Variants in ARHGAP32 observed in about 807,000 individuals in gnomAD.
ARHGAP32 encodes the protein rho GTPase-activating protein 32.
A neutral mutation model predicts 186.5 loss-of-function variants in ARHGAP32; 51 were observed. That is an observed-to-expected ratio of 0.27 (90% CI 0.22 to 0.35). The LOEUF is 0.35. Among genes scored for constraint, ARHGAP32 ranks in the 10% least tolerant of loss-of-function variants. The pLI, the probability that ARHGAP32 is intolerant of heterozygous loss-of-function variation, is 1.00. For missense variants in ARHGAP32, 2,186 were observed against 2,623.5 expected, an observed-to-expected ratio of 0.83 and a Z score of 3.64; for synonymous variants, 950 against 964.3, an observed-to-expected ratio of 0.99 and a Z score of 0.27.
At chr11:129,168,398 T>G (rs2135497089) in intron 1 of ARHGAP32, among the ~76,000 whole-genome samples, 1 of 152,286 alleles carries the variant, frequency 6.6e-6, no homozygotes, top group Middle Eastern at 3.4e-3. Context: ...AAGTAGACCT[T>G]AAGCACAAGG....
intron 1 of ARHGAP32, among the ~76,000 whole-genome samples, chr11:129,216,714 C>T (rs1334504834): frequency 6.7e-6 from 1 of 148,768 alleles, no homozygotes; most frequent in African/African-American, 2.5e-5. Context: ...CAGATTTTAG[C>T]TGAGTCCCCA....
At chr11:129,148,505 C>A (rs543605057) in intron 2 of ARHGAP32, among the ~76,000 whole-genome samples, 11 of 152,270 alleles carry the variant, frequency 7.2e-5, no homozygotes, top group African/African-American at 2.4e-4. Context: ...CCCAACTATA[C>A]CTCACAGGGG....
At chr11:129,241,778 TAAAAATCCCAATGACATACTAAA>T (rs953834609) in intron 1 of ARHGAP32, among the ~76,000 whole-genome samples, 5 of 152,150 alleles carry the variant, frequency 3.3e-5, no homozygotes, top group African/African-American at 1.2e-4. Context: ...CATTCAGTAA[TAAAAATCCCAATGACATACTAAA>T]TCCAAGATGC....
intron 21 of ARHGAP32, 185 bp downstream of exon 21, chr11:128,973,939 C>A: frequency 4.6e-6 from 3 of 655,500 alleles, no homozygotes; most frequent in Admixed American, 3.1e-5. Context: ...ACCATTGGCC[C>A]TTTTGGGGAG....
chr11:128,991,437 C>T (rs1157994846), intron 12 of ARHGAP32, among the ~76,000 whole-genome samples: 3 of 151,828 alleles, frequency 2.0e-5, no homozygotes, highest in Non-Finnish European at 4.4e-5. Context: ...GGAGCAAAAA[C>T]TGAAAAACAA....
rs568706063 is a variant in ARHGAP32, at chr11:129,085,937, T to C, written c.531+7684A>G. Among the ~76,000 whole-genome samples, 3 of 150,430 alleles carry C rather than the reference T, an allele frequency of 2.0e-5. No individual in the cohort carries two copies. The East Asian group carries it at 5.9e-4, about 29-fold the overall frequency. On this transcript the variant is annotated intron_variant, in intron 6 of 22. Coordinates refer to ENST00000682385, the MANE Select transcript of ARHGAP32 (RefSeq NM_001378024.1). ...TGAACCCGGGAGGCAGAGCTTGCAG[T>C]GAGCTGAGATCATGACACTGCACTC...
At chr11:129,101,311 C>G (rs1180176124) in intron 5 of ARHGAP32, among the ~76,000 whole-genome samples, 1 of 152,210 alleles carries the variant, frequency 6.6e-6, no homozygotes, top group Non-Finnish European at 1.5e-5. Context: ...AGAGTGCCTT[C>G]TATTCTCCAA....
intron 11 of ARHGAP32, among the ~76,000 whole-genome samples, chr11:129,029,603 A>G (rs1811396944): frequency 6.6e-6 from 1 of 151,996 alleles, no homozygotes; most frequent in African/African-American, 2.4e-5. Flanking sequence ...GGAGATCGAG[A>G]CCATCCTGGC....
intron 6 of ARHGAP32, among the ~76,000 whole-genome samples, chr11:129,073,402 CAAAGAATAAAAA>C (rs1397450491): frequency 6.6e-6 from 1 of 151,748 alleles, no homozygotes; most frequent in Non-Finnish European, 1.5e-5. Context: ...GAAATTATAA[CAAAGAATAAAAA>C]AATGCTAGAG....
intron 6 of ARHGAP32, among the ~76,000 whole-genome samples, chr11:129,072,609 A>T (rs1266388171): frequency 6.6e-6 from 1 of 152,172 alleles, no homozygotes; most frequent in Non-Finnish European, 1.5e-5. Flanking sequence ...CCACAGCAGA[A>T]ATCCACACGC....
At chr11:129,177,165 G>A (rs1311001442) in intron 1 of ARHGAP32, among the ~76,000 whole-genome samples, 10 of 151,232 alleles carry the variant, frequency 6.6e-5, no homozygotes, top group East Asian at 1.9e-4. Flanking sequence ...ACACCTCTAC[G>A]CAAATAAACT....
rs769627950 is a variant in ARHGAP32, at chr11:128,973,070, G to C, written c.3436C>G (p.His1146Asp). Residue 1146 changes from histidine to aspartate, a missense_variant, in exon 22 of 23, where the codon CAT (histidine) becomes GAT (aspartate). Coordinates refer to ENST00000682385, the MANE Select transcript of ARHGAP32 (RefSeq NM_001378024.1). The stretch of plus-strand genomic sequence containing the variant: ...TCCCCAGATTCAGTTGTGTTGGAAT[G>C]GGTAGGATCCCCAGTAGCTGTTGTC... ...PETTATGDPT[H>D]SNTTESGEQH... The C allele has an allele frequency of 1.5e-5, 24 of 1,614,146 alleles. No individual in the cohort carries two copies. Among genetic ancestry groups the C allele is most frequent in the Non-Finnish European group, 1.6e-5 (19 of 1,180,038 alleles).
chr11:129,203,478 T>G (rs1944480604), intron 1 of ARHGAP32, among the ~76,000 whole-genome samples: 1 of 152,050 alleles, frequency 6.6e-6, no homozygotes, highest in South Asian at 2.1e-4. Context: ...TGAAAAGGAA[T>G]CTATAGGACT....
intron 1 of ARHGAP32, among the ~76,000 whole-genome samples, chr11:129,215,239 G>C (rs1394278950): frequency 1.3e-5 from 2 of 152,110 alleles, no homozygotes; most frequent in Non-Finnish European, 2.9e-5. Context: ...GATTTGGTTA[G>C]GATTAGGGTT....
Position 128,988,031 on chromosome 11 carries a change from C to G in ARHGAP32, c.1290G>C (p.Gln430His). The G allele has an allele frequency of 6.2e-7, 1 of 1,611,838 alleles. No homozygotes were observed. ...YRLSGVASNI[Q>H]RLRHEFDSEH... is the part of the protein sequence containing the mutation. ...GCCATATAAGATTTTACCGTAGTCT[C>G]TGGATATTGGAGGCAACACCAGAAA... The change falls in exon 13 of 23, where the codon CAG becomes CAC. Residue 430 changes from glutamine to histidine, a missense_variant. Gln to His is a conservative substitution (Grantham distance 24). Transcript: ENST00000682385.
intron 1 of ARHGAP32, among the ~76,000 whole-genome samples, chr11:129,168,632 T>C (rs866582353): frequency 1.3e-5 from 2 of 152,330 alleles, no homozygotes; most frequent in East Asian, 1.9e-4. Context: ...ACTGTAAGTA[T>C]ATGACTTGAA....
rs1591488671 is a variant in ARHGAP32, at chr11:128,974,998, ATCACCTGG to A, written c.2195-4_2198del. ...GTCTTCTGGGTCGGAAGAGCTTAGA[ATCACCTGG>A]AAAAAATGAATAACAGTGTCAAAGT... On this transcript the variant is annotated splice_acceptor_variant and splice_polypyrimidine_tract_variant and coding_sequence_variant and intron_variant, in exon 21 of 23. Coordinates refer to ENST00000682385, the MANE Select transcript of ARHGAP32 (RefSeq NM_001378024.1). LOFTEE classifies it high-confidence loss of function. 3 of 1,597,878 alleles carry A rather than the reference ATCACCTGG, an allele frequency of 1.9e-6. No homozygotes were observed. The highest frequency in any genetic ancestry group is 2.3e-5 in the South Asian group (2 of 87,918).
At chr11:129,261,713 T>C in intron 1 of ARHGAP32, among the ~76,000 whole-genome samples, 1 of 152,242 alleles carries the variant, frequency 6.6e-6, no homozygotes, top group Admixed American at 6.5e-5. Flanking sequence ...GGATGAAAAC[T>C]GCTTCTTATT....
intron 1 of ARHGAP32, among the ~76,000 whole-genome samples, chr11:129,257,027 C>T (rs1053780486): frequency 1.3e-5 from 2 of 152,150 alleles, no homozygotes; most frequent in African/African-American, 4.8e-5. Context: ...TTTCTGCATA[C>T]ATCTCACTGA....
Sources: allele counts gnomAD v4.1 joint callset (sites outside exome capture counted in the v4.1 genomes callset), GRCh38; gene constraint gnomAD v4.1.1; transcripts MANE v1.5; gene names NCBI Gene and HGNC (gene_info 2026-07-23, HGNC 2026-07-21).